ZNF766: variants seen among roughly 807,000 people sequenced by gnomAD.
ZNF766 encodes the protein zinc finger protein 766.
In ZNF766, 13 loss-of-function variants were observed where a neutral mutation model predicts 13.2. The ratio of observed to expected loss-of-function variants is 0.98; its 90% CI spans 0.64 to 1.56. The LOEUF is 1.56. ZNF766 is among the 40% of genes most tolerant of loss of function. The probability of loss-of-function intolerance (pLI) is 0.00; values close to 1 mark genes in which losing one functional copy is unlikely to be tolerated. For missense variants in ZNF766, 521 were observed against 552.2 expected (o/e 0.94, Z 0.57); for synonymous variants, 178 against 187.6 (o/e 0.95, Z 0.42).
At position 52,290,901 on chromosome 19, in the gene ZNF766, G is replaced by C; in HGVS notation, c.1110G>C (p.Leu370=). ...CDKAFRHKFS[L]TVHQRNHNGE... ...AAGCTTTTAGGCACAAGTTCTCCCTGACAGTTCATCAGAGAAATCATAATG... is the reference window on the plus strand; with the variant it reads ...AAGCTTTTAGGCACAAGTTCTCCCTCACAGTTCATCAGAGAAATCATAATG... Residue 370 remains leucine, a synonymous_variant, in exon 4 of 4, where the codon CTG becomes CTC. Coordinates refer to ENST00000439461, the MANE Select transcript of ZNF766 (RefSeq NM_001010851.3). 1 of 1,613,752 alleles carries C rather than the reference G, an allele frequency of 6.2e-7. No individual in the cohort carries two copies. Among genetic ancestry groups the C allele is most frequent in the South Asian group, 1.1e-5 (1 of 91,058 alleles).
intron 1 of ZNF766, chr19:52,275,754 C>G (rs1386153092): frequency 6.9e-6 from 1 of 145,310 alleles, no homozygotes; most frequent in Non-Finnish European, 1.5e-5. Context: ...AATCCTGGCT[C>G]ACTGCAACCT....
At position 52,289,808 on chromosome 19, in the gene ZNF766, G is replaced by A. The variant is rs990841452; in HGVS notation, c.275-258G>A. On this transcript the variant is annotated intron_variant, in intron 3 of 3. Transcript: ENST00000439461. The stretch of plus-strand genomic sequence containing the variant: ...GAGGTCAGGAGATCGAGACCATCCT[G>A]GCTAACACAGTGAAACCCCGTCTCT... Among the ~76,000 whole-genome samples the A allele has an allele frequency of 4.6e-5, 7 of 152,084 alleles. No individual in the cohort carries two copies. The East Asian group carries it at 1.4e-3, about 30-fold the overall frequency.
chr19:52,286,188 T>TCCCCCCCCCCCCCCCC (rs71254004), intron 3 of ZNF766, among the ~76,000 whole-genome samples: 2 of 146,562 alleles, frequency 1.4e-5, no homozygotes, highest in African/African-American at 5.4e-5. Context: ...AGTGGGCTTT[T>TCCCCCCCCCCCCCCCC]CCCCCCTAAT....
chr19:52,286,992 T>G (rs112405601), intron 3 of ZNF766, among the ~76,000 whole-genome samples: 12,924 of 149,718 alleles, frequency 0.086, 1,204 homozygotes, highest in African/African-American at 0.24. Context: ...CCTGCCACCA[T>G]GCCCGGATAA....
At chr19:52,281,856 C>T (rs1331696456) in intron 1 of ZNF766, 7 of 537,564 alleles carry the variant, frequency 1.3e-5, no homozygotes, top group Non-Finnish European at 2.6e-5. Flanking sequence ...TCTTCAGAGA[C>T]ACTTGTATGC....
intron 3 of ZNF766, among the ~76,000 whole-genome samples, chr19:52,284,567 G>A (rs1048629900): frequency 1.3e-5 from 2 of 152,054 alleles, no homozygotes; most frequent in African/African-American, 4.8e-5. Context: ...CCAGTTTTGG[G>A]GTTTCCTGCA....
At chr19:52,271,368 A>G (rs867561494) in intron 1 of ZNF766, among the ~76,000 whole-genome samples, 1 of 152,178 alleles carries the variant, frequency 6.6e-6, no homozygotes, top group African/African-American at 2.4e-5. Flanking sequence ...GGAGTGTGCC[A>G]GAGAACTGGT....
intron 3 of ZNF766, among the ~76,000 whole-genome samples, chr19:52,285,366 A>T (rs1981762966): frequency 6.6e-6 from 1 of 152,158 alleles, no homozygotes; most frequent in South Asian, 2.1e-4. Flanking sequence ...AGTCTCCAAG[A>T]CTTGCCCCCC....
At chr19:52,272,571 G>T (rs954789520) in intron 1 of ZNF766, among the ~76,000 whole-genome samples, 1 of 151,954 alleles carries the variant, frequency 6.6e-6, no homozygotes. Context: ...GGCTCAGGAG[G>T]TCCTCCTGCC....
rs969813996 is a variant in ZNF766, at chr19:52,295,124, TATA to T, written c.*3930_*3932del. On this transcript the variant is annotated 3_prime_UTR_variant, in exon 4 of 4. Transcript: ENST00000439461. ...TTATATATGCACGTATAGACACATA[TATA>T]ATATTTTTTTTTTACTTTTTTCTTT... The T allele has an allele frequency of 2.0e-5, 3 of 151,288 alleles. No individual in the cohort carries two copies. Among genetic ancestry groups the T allele is most frequent in the Non-Finnish European group, 2.9e-5 (2 of 67,980 alleles). The allele number at this position is 151,288 out of a possible 1,614,324, so 9.4% of individuals were successfully genotyped here.
chr19:52,287,934 T>C, intron 3 of ZNF766: 2 of 401,512 alleles, frequency 5.0e-6, no homozygotes, highest in Non-Finnish European at 9.5e-6. Flanking sequence ...ACTCTTACTT[T>C]CCTGACTTTC....
At position 52,283,504 on chromosome 19, in the gene ZNF766, C is replaced by G. The variant is rs1243657446; in HGVS notation, c.274+91C>G. The G allele has an allele frequency of 4.9e-6, 7 of 1,414,750 alleles. No individual in the cohort carries two copies. The African/African-American group carries it at 8.8e-5, about 18-fold the overall frequency. The allele number at this position is 1,414,750 out of a possible 1,614,324, so 87.6% of individuals were successfully genotyped here. On this transcript the variant is annotated intron_variant, in intron 3 of 3. Transcript: ENST00000439461. ...CCCCACACTGGAGTGCATTGGCCAT[C>G]ATAGCTCACTGCAGCTTTGAACTCC...
chr19:52,279,045 T>G lies in ZNF766; in HGVS notation c.19-3066T>G, dbSNP rs912941909. Among the ~76,000 whole-genome samples, 6 of 152,312 alleles carry G rather than the reference T, an allele frequency of 3.9e-5. No homozygotes were observed. The Middle Eastern group carries it at 0.01, about 259-fold the overall frequency. On this transcript the variant is annotated intron_variant, in intron 1 of 3. Transcript: ENST00000439461. ...AGTCTTTAATCCATCTTGAGTTGAT[T>G]TTTGTATATGGTATAAGGAAGGGGT...
intron 3 of ZNF766, among the ~76,000 whole-genome samples, chr19:52,286,934 C>T (rs1218877581): frequency 6.6e-6 from 1 of 152,158 alleles, no homozygotes; most frequent in East Asian, 1.9e-4. Context: ...CTACTGGGCT[C>T]AAGTGCTTCT....
chr19:52,295,609 T>A lies in ZNF766; in HGVS notation c.*4411T>A, dbSNP rs1344610132. 1 of 152,226 alleles carries A rather than the reference T, an allele frequency of 6.6e-6. No homozygotes were observed. Among genetic ancestry groups the A allele is most frequent in the Non-Finnish European group, 1.5e-5 (1 of 68,034 alleles). 9.4% of individuals were successfully genotyped at this position (152,226 alleles called of 1,614,324 possible). On this transcript the variant is annotated 3_prime_UTR_variant, in exon 4 of 4. Coordinates refer to ENST00000439461, the MANE Select transcript of ZNF766 (RefSeq NM_001010851.3). ...AGAGTATGCACAAGACAATGGCAGGTATAAACGTTTTATTGTAAATATGAA... is the reference window on the plus strand; with the variant it reads ...AGAGTATGCACAAGACAATGGCAGGAATAAACGTTTTATTGTAAATATGAA...
chr19:52,283,009 G>T (rs144313164), intron 2 of ZNF766, among the ~76,000 whole-genome samples: 1 of 152,016 alleles, frequency 6.6e-6, no homozygotes, highest in Non-Finnish European at 1.5e-5. Flanking sequence ...CCAGTAATGC[G>T]ATTGCTGGGT....
chr19:52,272,028 C>A (rs1023753616), intron 1 of ZNF766, among the ~76,000 whole-genome samples: 2 of 149,462 alleles, frequency 1.3e-5, no homozygotes, highest in African/African-American at 2.5e-5. Flanking sequence ...CATTTTCTTG[C>A]CACTCCTCCA....
At chr19:52,277,122 T>C (rs1981242608) in intron 1 of ZNF766, 2 of 1,029,910 alleles carry the variant, frequency 1.9e-6, no homozygotes, top group South Asian at 7.5e-5. Context: ...ATGTTGATTC[T>C]AAACCCTAAA....
chr19:52,276,322 G>T (rs1981198868), intron 1 of ZNF766, among the ~76,000 whole-genome samples: 1 of 152,150 alleles, frequency 6.6e-6, no homozygotes, highest in Non-Finnish European at 1.5e-5. Context: ...GTAAATGCTT[G>T]TTATACTGGG....
Sources: gnomAD v4.1 joint callset for allele counts (sites outside exome capture counted in the v4.1 genomes callset) on GRCh38, gnomAD v4.1.1 for gene constraint, MANE v1.5 for transcripts, NCBI Gene and HGNC (gene_info 2026-07-23, HGNC 2026-07-21) for gene names.